Variants in RARB observed in about 807,000 individuals in gnomAD.
RARB encodes the protein HBV-activated protein.
Under a neutral mutation model 51.9 loss-of-function variants are expected in RARB, and 17 were observed. That is an observed-to-expected ratio of 0.33 (90% CI 0.22 to 0.49). The LOEUF is 0.49. RARB is among the 20% of genes least tolerant of loss of function. The pLI is 0.99. For synonymous variants in RARB, 215 were observed against 195.4 expected (o/e 1.10, Z -0.84); for missense variants, 369 against 550.8 (o/e 0.67, Z 3.30).
intron 2 of RARB, among the ~76,000 whole-genome samples, chr3:25,051,624 T>G (rs1220489200): frequency 6.6e-6 from 1 of 152,110 alleles, no homozygotes. Context: ...TTTTTAAAGA[T>G]ACTATTATTC....
At chr3:25,064,289 T>C (rs1272960784) in intron 3 of RARB, among the ~76,000 whole-genome samples, 3 of 152,172 alleles carry the variant, frequency 2.0e-5, no homozygotes, top group Admixed American at 6.6e-5. Context: ...ATCTCATAAA[T>C]ATACTTTGAT....
At chr3:25,479,709 A>G (rs1022604497) in intron 2 of RARB, among the ~76,000 whole-genome samples, 4 of 152,196 alleles carry the variant, frequency 2.6e-5, no homozygotes, top group Admixed American at 6.5e-5. Flanking sequence ...ACCACCTACC[A>G]AGGCTTTATT....
chr3:24,887,916 G>A (rs553976515), intron 2 of RARB, among the ~76,000 whole-genome samples: 2 of 152,248 alleles, frequency 1.3e-5, no homozygotes, highest in Admixed American at 6.5e-5. Context: ...GTGGGATTGA[G>A]GCAGCATAAC....
At chr3:24,834,528 C>G (rs1018811077) in intron 1 of RARB, among the ~76,000 whole-genome samples, 1 of 152,166 alleles carries the variant, frequency 6.6e-6, no homozygotes, top group Non-Finnish European at 1.5e-5. Context: ...TCCCCTCTTT[C>G]ACTAGGAAGC....
At chr3:25,236,748 T>C (rs1168843617) in intron 5 of RARB, among the ~76,000 whole-genome samples, 2 of 152,076 alleles carry the variant, frequency 1.3e-5, no homozygotes, top group South Asian at 4.1e-4. Context: ...ATTTGGTGTT[T>C]GGTAGGGGTC....
chr3:24,968,457 TTAAAA>T (rs1239359352), intron 2 of RARB, among the ~76,000 whole-genome samples: 1 of 152,138 alleles, frequency 6.6e-6, no homozygotes, highest in Non-Finnish European at 1.5e-5. Context: ...TGGTTAATAA[TTAAAA>T]TAACCATTTA....
chr3:25,223,592 C>G (rs1229964245), intron 5 of RARB, among the ~76,000 whole-genome samples: 1 of 152,122 alleles, frequency 6.6e-6, no homozygotes, highest in Non-Finnish European at 1.5e-5. Flanking sequence ...AGTACCTGCA[C>G]TTACTAGGTG....
intron 1 of RARB, among the ~76,000 whole-genome samples, chr3:25,443,983 A>G (rs1708819207): frequency 6.6e-6 from 1 of 152,152 alleles, no homozygotes; most frequent in African/African-American, 2.4e-5. Flanking sequence ...ACAACTCTCA[A>G]GAGAAACTTT....
chr3:25,508,628 T>C (rs1217115914), intron 3 of RARB, among the ~76,000 whole-genome samples: 1 of 152,206 alleles, frequency 6.6e-6, no homozygotes, highest in Non-Finnish European at 1.5e-5. Context: ...TCTTCATTTG[T>C]TCCCGTGTTA....
At chr3:25,379,980 C>T (rs989981879) in intron 5 of RARB, among the ~76,000 whole-genome samples, 2 of 152,066 alleles carry the variant, frequency 1.3e-5, no homozygotes, top group African/African-American at 4.8e-5. Context: ...TGAAAGACTG[C>T]AGAAAGAATG....
chr3:25,305,091 T>A (rs752635027), intron 5 of RARB, among the ~76,000 whole-genome samples: 1 of 152,058 alleles, frequency 6.6e-6, no homozygotes, highest in Non-Finnish European at 1.5e-5. Context: ...AGAGAGCCCA[T>A]CCTCTACACC....
At chr3:25,001,023 A>G (rs1231974632) in intron 2 of RARB, among the ~76,000 whole-genome samples, 1 of 152,038 alleles carries the variant, frequency 6.6e-6, no homozygotes. Flanking sequence ...CATGGACTTG[A>G]GCCATTAAAA....
At chr3:25,034,549 T>C (rs1275443488) in intron 2 of RARB, among the ~76,000 whole-genome samples, 1 of 152,234 alleles carries the variant, frequency 6.6e-6, no homozygotes. Flanking sequence ...CAAAAGTAGA[T>C]GTGCAAAGAG....
intron 5 of RARB, among the ~76,000 whole-genome samples, chr3:25,273,308 T>C (rs1703297051): frequency 6.6e-6 from 1 of 152,238 alleles, no homozygotes; most frequent in Non-Finnish European, 1.5e-5. Flanking sequence ...CTCAAGTCTT[T>C]TGAGCTGCTC....
intron 3 of RARB, among the ~76,000 whole-genome samples, chr3:25,096,968 G>A (rs1000182733): frequency 1.3e-5 from 2 of 152,126 alleles, no homozygotes; most frequent in African/African-American, 4.8e-5. Context: ...TGCATAAGAA[G>A]GTACAAACCT....
intron 5 of RARB, among the ~76,000 whole-genome samples, chr3:25,327,316 T>G (rs1208040954): frequency 6.6e-6 from 1 of 151,920 alleles, no homozygotes; most frequent in Non-Finnish European, 1.5e-5. Flanking sequence ...TATTGAAAAA[T>G]TTTTTAAAAA....
At chr3:25,440,802 C>G (rs1329801828) in intron 1 of RARB, among the ~76,000 whole-genome samples, 2 of 151,852 alleles carry the variant, frequency 1.3e-5, no homozygotes, top group East Asian at 1.9e-4. Context: ...AAAAAAAATC[C>G]AAATGCTAGC....
At position 25,039,905 on chromosome 3, in the gene RARB, CA is replaced by C. The variant is rs1289659266; in HGVS notation, c.-379-20216del. ...AAATCATTCGTGGCTGGGTAGAAGA[CA>C]AAATTGTCTTGTGGGTTGGGATAGA... is the stretch of plus-strand genomic sequence containing the variant. On this transcript the variant is annotated intron_variant, in intron 2 of 11. Coordinates refer to the RARB transcript ENST00000383772. 3.9e-5 allele frequency among the ~76,000 whole-genome samples: 6 copies of C among 152,232 alleles called. No homozygotes were observed. In the East Asian group the frequency reaches 9.7e-4, roughly 25 times the overall value.
At chr3:25,157,803 T>C (rs1700404071) in intron 4 of RARB, among the ~76,000 whole-genome samples, 1 of 152,234 alleles carries the variant, frequency 6.6e-6, no homozygotes, top group Non-Finnish European at 1.5e-5. Context: ...GATTTTACTC[T>C]TTGCCTCTAA....
Sources: gnomAD v4.1 joint callset for allele counts (sites outside exome capture counted in the v4.1 genomes callset) on GRCh38, gnomAD v4.1.1 for gene constraint, MANE v1.5 for transcripts, NCBI Gene and HGNC (gene_info 2026-07-23, HGNC 2026-07-21) for gene names.